The following CTBS variants were observed in gnomAD, a reference collection of about 807,000 sequenced individuals.
CTBS encodes the protein di-N-acetylchitobiase.
In CTBS, 35 loss-of-function variants were observed where a neutral mutation model predicts 44.3. The observed-to-expected ratio is 0.79, with a 90% CI of 0.60 to 1.05. The LOEUF (loss-of-function observed/expected upper bound fraction) is 1.05, where lower values mean the gene tolerates loss of function less well. Among genes scored for constraint, CTBS ranks in the 50% least tolerant of loss-of-function variants. The probability of loss-of-function intolerance (pLI) is 0.00; values close to 1 mark genes in which losing one functional copy is unlikely to be tolerated. For synonymous variants in CTBS, 143 were observed against 168.0 expected (o/e 0.85, Z 1.15); for missense variants, 458 against 475.3 (o/e 0.96, Z 0.34).
chr1:84,564,971 C>T (rs557065396), intron 4 of CTBS, among the ~76,000 whole-genome samples: 57 of 151,966 alleles, frequency 3.8e-4, no homozygotes, highest in Admixed American at 9.8e-4. Flanking sequence ...CCCAGGAGGT[C>T]GAGGTTACAG....
intron 4 of CTBS, among the ~76,000 whole-genome samples, chr1:84,565,276 C>A (rs1684669501): frequency 6.6e-6 from 1 of 151,612 alleles, no homozygotes; most frequent in Admixed American, 6.6e-5. Context: ...CAAACCAATC[C>A]AAACTTTGAA....
Position 84,549,699 on chromosome 1 carries a change from TTTGGGTTGGATCAATC to T in CTBS, c.*5284_*5299del, listed in dbSNP as rs1684212686. On this transcript the variant is annotated 3_prime_UTR_variant, in exon 7 of 7. Coordinates refer to ENST00000370630, the MANE Select transcript of CTBS (RefSeq NM_004388.3). ...TTCAAGAGGGCATTTAACAATTTGA[TTTGGGTTGGATCAATC>T]CCACTTATCCAAAAGTAATTTTAAA... 1.3e-5 allele frequency: 2 copies of T among 152,158 alleles called. No homozygotes were observed. The highest frequency in any genetic ancestry group is 4.8e-5 in the African/African-American group (2 of 41,460). The allele number at this position is 152,158 out of a possible 1,614,324, so 9.4% of individuals were successfully genotyped here. A position where few individuals can be genotyped will look rare whatever the true frequency, so the allele number is the denominator to read the frequency against.
Position 84,550,417 on chromosome 1 carries a change from T to C in CTBS, c.*4582A>G. The stretch of plus-strand genomic sequence containing the variant: ...TTATATGTTATACTAAATAAATATC[T>C]ATCTATCCACACAGAATTACCTAAT... On this transcript the variant is annotated 3_prime_UTR_variant, in exon 7 of 7. Coordinates refer to ENST00000370630, the MANE Select transcript of CTBS (RefSeq NM_004388.3). 2 of 1,370,066 alleles carry C rather than the reference T, an allele frequency of 1.5e-6. No homozygotes were observed. The highest frequency in any genetic ancestry group is 2.0e-6 in the Non-Finnish European group (2 of 1,014,508). 84.9% of individuals were successfully genotyped at this position (1,370,066 alleles called of 1,614,324 possible). A position where few individuals can be genotyped will look rare whatever the true frequency, so the allele number is the denominator to read the frequency against.
chr1:84,557,581 C>G (rs1190211058), intron 6 of CTBS, among the ~76,000 whole-genome samples: 1 of 143,724 alleles, frequency 7.0e-6, no homozygotes, highest in Non-Finnish European at 1.5e-5. Context: ...GGAGGCTGGG[C>G]GCGGTGGCTC....
intron 1 of CTBS, among the ~76,000 whole-genome samples, chr1:84,572,662 G>GT (rs11369641): frequency 0.14 from 20,978 of 146,418 alleles, 3,582 homozygotes; most frequent in African/African-American, 0.42. Flanking sequence ...AATCTTTCAG[G>GT]TTTTTTTTTT....
At chr1:84,558,639 A>G (rs555315665) in intron 6 of CTBS, among the ~76,000 whole-genome samples, 32 of 150,802 alleles carry the variant, frequency 2.1e-4, no homozygotes, top group African/African-American at 2.7e-4. Context: ...AGTGGCTCAC[A>G]CCTGTAATCC....
Position 84,570,235 on chromosome 1 carries a change from G to A in CTBS, c.317-96C>T, listed in dbSNP as rs1182300350. 5.3e-6 allele frequency: 5 copies of A among 935,932 alleles called. No homozygotes were observed. The Admixed American group carries it at 8.5e-5, about 16-fold the overall frequency. 58.0% of individuals were successfully genotyped at this position (935,932 alleles called of 1,614,324 possible). A position where few individuals can be genotyped will look rare whatever the true frequency, so the allele number is the denominator to read the frequency against. Reference sequence around the variant, plus strand: ...TAACTGAAGTTTTCCAATGGAGAAAGAATATACCAAAGTAACAGAAAGCCA... The same window carrying A: ...TAACTGAAGTTTTCCAATGGAGAAAAAATATACCAAAGTAACAGAAAGCCA... On this transcript the variant is annotated intron_variant, in intron 2 of 6. Transcript: ENST00000370630.
chr1:84,555,895 T>C (rs1006751965), intron 6 of CTBS: 2 of 152,258 alleles, frequency 1.3e-5, no homozygotes, highest in Admixed American at 6.5e-5. Flanking sequence ...ATGTGCTTTT[T>C]TGTATTCTCT....
At chr1:84,573,892 G>C (rs1647387715) in intron 1 of CTBS, 1 of 1,139,630 alleles carries the variant, frequency 8.8e-7, no homozygotes, top group African/African-American at 1.6e-5. Context: ...CTCGTTCCTT[G>C]GAAACATAAA....
At chr1:84,570,444 C>T in intron 2 of CTBS, 138 bp downstream of exon 2, 1 of 745,886 alleles carries the variant, frequency 1.3e-6, no homozygotes, top group South Asian at 1.9e-5. Flanking sequence ...AAATGAATTA[C>T]ACAGTATCTA....
chr1:84,552,853 T>C lies in CTBS; in HGVS notation c.*2146A>G. The C allele has an allele frequency of 1.9e-6, 1 of 522,434 alleles. No individual in the cohort carries two copies. The highest frequency in any genetic ancestry group is 2.5e-5 in the South Asian group (1 of 40,010). 32.4% of individuals were successfully genotyped at this position (522,434 alleles called of 1,614,324 possible). A position where few individuals can be genotyped will look rare whatever the true frequency, so the allele number is the denominator to read the frequency against. Reference sequence around the variant, plus strand: ...ATATCTCACCAGTAGATAAGCATGCTTATTAAACAGCATTCATAATCTACA... The same window carrying C: ...ATATCTCACCAGTAGATAAGCATGCCTATTAAACAGCATTCATAATCTACA... On this transcript the variant is annotated 3_prime_UTR_variant, in exon 7 of 7. Coordinates refer to ENST00000370630, the MANE Select transcript of CTBS (RefSeq NM_004388.3).
chr1:84,552,925 T>C lies in CTBS; in HGVS notation c.*2074A>G. ...GGGAGTTGAAAGCACTGAAGCCAAA[T>C]GAGAGAAGACAGTTAAAGCGGTTAC... is the stretch of plus-strand genomic sequence containing the variant. On this transcript the variant is annotated 3_prime_UTR_variant, in exon 7 of 7. Transcript: ENST00000370630. 2.9e-6 allele frequency: 2 copies of C among 679,366 alleles called. No individual in the cohort carries two copies. The highest frequency in any genetic ancestry group is 5.0e-6 in the Non-Finnish European group (2 of 399,906). The allele number at this position is 679,366 out of a possible 1,614,324, so 42.1% of individuals were successfully genotyped here. A position where few individuals can be genotyped will look rare whatever the true frequency, so the allele number is the denominator to read the frequency against.
intron 1 of CTBS, among the ~76,000 whole-genome samples, chr1:84,572,722 G>C (rs1414293048): frequency 1.3e-5 from 2 of 151,354 alleles, no homozygotes; most frequent in South Asian, 2.1e-4. Context: ...CTGGAGTGCA[G>C]TGGCGTGATC....
At chr1:84,557,533 CA>C (rs56101174) in intron 6 of CTBS, among the ~76,000 whole-genome samples, 211 of 55,436 alleles carry the variant, frequency 3.8e-3, no homozygotes, top group East Asian at 9.6e-3. Flanking sequence ...AACTCCATCT[CA>C]AAAAAAAAAA....
intron 3 of CTBS, 162 bp from the exon 4 acceptor site, chr1:84,566,174 C>G (rs1433100193): frequency 5.8e-6 from 2 of 343,362 alleles, no homozygotes; most frequent in East Asian, 9.8e-5. Context: ...TTGAACCATT[C>G]TAAGAAATAT....
At position 84,566,027 on chromosome 1, in the gene CTBS, C is replaced by A; in HGVS notation, c.526-15G>T. On this transcript the variant is annotated splice_polypyrimidine_tract_variant and intron_variant, in intron 3 of 6. Coordinates refer to ENST00000370630, the MANE Select transcript of CTBS (RefSeq NM_004388.3). Reference sequence around the variant, plus strand: ...TCAAAGGTTACCTGTGGAAAAAAATCTTACTATTTTATGTAATATGATCAC... The same window carrying A: ...TCAAAGGTTACCTGTGGAAAAAAATATTACTATTTTATGTAATATGATCAC... The A allele has an allele frequency of 1.3e-6, 2 of 1,493,432 alleles. No individual in the cohort carries two copies. The highest frequency in any genetic ancestry group is 1.4e-5 in the South Asian group (1 of 69,338). 92.5% of individuals were successfully genotyped at this position (1,493,432 alleles called of 1,614,324 possible). A position where few individuals can be genotyped will look rare whatever the true frequency, so the allele number is the denominator to read the frequency against.
At chr1:84,557,501 C>G (rs1001066500) in intron 6 of CTBS, among the ~76,000 whole-genome samples, 2 of 137,798 alleles carry the variant, frequency 1.5e-5, no homozygotes, top group African/African-American at 2.8e-5. Context: ...CCACTGCACT[C>G]CAGCCTGGGC....
intron 3 of CTBS, 44 bp downstream of exon 3, chr1:84,569,887 G>T: frequency 6.9e-7 from 1 of 1,453,428 alleles, no homozygotes; most frequent in South Asian, 1.2e-5. Flanking sequence ...AGTATATTCT[G>T]ATATGGAAAA....
chr1:84,561,694 A>G (rs1270355118), intron 6 of CTBS, among the ~76,000 whole-genome samples: 1 of 152,190 alleles, frequency 6.6e-6, no homozygotes, highest in African/African-American at 2.4e-5. Flanking sequence ...CCCAACCTTC[A>G]GCAACCACCA....
Sources: allele counts gnomAD v4.1 joint callset (sites outside exome capture counted in the v4.1 genomes callset), GRCh38; gene constraint gnomAD v4.1.1; transcripts MANE v1.5; gene names NCBI Gene and HGNC (gene_info 2026-07-23, HGNC 2026-07-21).